Variants in PPP3CA observed in about 807,000 individuals in gnomAD.
PPP3CA encodes the protein protein phosphatase 3 catalytic subunit alpha.
Under a neutral mutation model 66.5 loss-of-function variants are expected in PPP3CA, and 14 were observed. That is an observed-to-expected ratio of 0.21 (90% CI 0.14 to 0.33). The LOEUF (loss-of-function observed/expected upper bound fraction) is 0.33. PPP3CA is among the 10% of genes least tolerant of loss of function. The probability of loss-of-function intolerance (pLI) is 1.00; values close to 1 mark genes in which losing one functional copy is unlikely to be tolerated. For missense variants in PPP3CA, 317 were observed against 639.5 expected (o/e 0.50, Z 5.44); for synonymous variants, 232 against 226.2 (o/e 1.03, Z -0.23).
At chr4:101,295,108 T>C (rs1314934752) in intron 1 of PPP3CA, among the ~76,000 whole-genome samples, 2 of 150,596 alleles carry the variant, frequency 1.3e-5, no homozygotes, top group Non-Finnish European at 3.0e-5. Flanking sequence ...GAGACCATCC[T>C]GGCTAACAAG....
intron 2 of PPP3CA, among the ~76,000 whole-genome samples, chr4:101,126,533 T>A (rs1241562662): frequency 6.6e-6 from 1 of 152,224 alleles, no homozygotes; most frequent in Non-Finnish European, 1.5e-5. Context: ...ACAGTCATAA[T>A]CCTGTATTTA....
intron 8 of PPP3CA, among the ~76,000 whole-genome samples, chr4:101,070,968 G>C (rs977946761): frequency 1.3e-5 from 2 of 152,188 alleles, no homozygotes; most frequent in African/African-American, 4.8e-5. Flanking sequence ...GTTTCAGCTA[G>C]TGAATTCATT....
chr4:101,222,232 T>C (rs1056659864), intron 1 of PPP3CA, among the ~76,000 whole-genome samples: 1 of 151,642 alleles, frequency 6.6e-6, no homozygotes, highest in Admixed American at 6.6e-5. Context: ...GACAAACACA[T>C]TGTTCTTTTC....
chr4:101,184,353 A>T (rs1724339616), intron 2 of PPP3CA, among the ~76,000 whole-genome samples: 1 of 152,130 alleles, frequency 6.6e-6, no homozygotes, highest in Non-Finnish European at 1.5e-5. Flanking sequence ...GCATTTACTA[A>T]GGCTCTTATT....
intron 2 of PPP3CA, among the ~76,000 whole-genome samples, chr4:101,173,273 T>C (rs938443456): frequency 3.9e-5 from 6 of 152,056 alleles, no homozygotes; most frequent in African/African-American, 7.2e-5. Flanking sequence ...AATAGATGGA[T>C]GTGTGGTAGG....
intron 2 of PPP3CA, among the ~76,000 whole-genome samples, chr4:101,189,777 A>C (rs772102524): frequency 2.6e-5 from 4 of 151,950 alleles, no homozygotes; most frequent in Non-Finnish European, 5.9e-5. Context: ...AAAAACTATA[A>C]AAAATTATGA....
At chr4:101,163,535 A>T (rs1262488921) in intron 2 of PPP3CA, among the ~76,000 whole-genome samples, 1 of 152,134 alleles carries the variant, frequency 6.6e-6, no homozygotes, top group Non-Finnish European at 1.5e-5. Flanking sequence ...ATATTCTCTC[A>T]TCCTTTCTTA....
intron 1 of PPP3CA, among the ~76,000 whole-genome samples, chr4:101,263,340 TAA>T (rs1727064685): frequency 1.3e-5 from 2 of 152,278 alleles, no homozygotes; most frequent in Non-Finnish European, 2.9e-5. Context: ...CCAGATAAAT[TAA>T]ATCAGAATTT....
At chr4:101,244,684 G>C (rs1726420362) in intron 1 of PPP3CA, among the ~76,000 whole-genome samples, 1 of 152,174 alleles carries the variant, frequency 6.6e-6, no homozygotes, top group South Asian at 2.1e-4. Context: ...TATTTGATGT[G>C]GCATACACTT....
chr4:101,274,856 C>T (rs73835909), intron 1 of PPP3CA, among the ~76,000 whole-genome samples: 2,531 of 152,092 alleles, frequency 0.017, 83 homozygotes, highest in African/African-American at 0.057. Flanking sequence ...TCATTACAAA[C>T]CTAACAGGTG....
intron 8 of PPP3CA, among the ~76,000 whole-genome samples, chr4:101,079,464 C>T (rs970823282): frequency 6.6e-6 from 1 of 151,536 alleles, no homozygotes; most frequent in African/African-American, 2.4e-5. Context: ...CTGCAAGCTC[C>T]GCCTCCCGGG....
intron 2 of PPP3CA, among the ~76,000 whole-genome samples, chr4:101,153,113 A>G (rs1227660978): frequency 6.6e-6 from 1 of 152,198 alleles, no homozygotes. Context: ...TCCTCTGAGC[A>G]TTCGGGGTGA....
intron 1 of PPP3CA, among the ~76,000 whole-genome samples, chr4:101,257,293 A>G (rs906527565): frequency 4.6e-5 from 7 of 150,978 alleles, no homozygotes; most frequent in African/African-American, 1.7e-4. Flanking sequence ...TCCACCCTGG[A>G]TTAGGGAGAT....
At chr4:101,337,816 C>T (rs1045074529) in intron 1 of PPP3CA, among the ~76,000 whole-genome samples, 4 of 152,182 alleles carry the variant, frequency 2.6e-5, no homozygotes, top group Non-Finnish European at 5.9e-5. Context: ...AAGTGCCTCA[C>T]TATACTGCCA....
intron 1 of PPP3CA, among the ~76,000 whole-genome samples, chr4:101,283,351 G>A (rs1473452313): frequency 6.6e-6 from 1 of 152,074 alleles, no homozygotes; most frequent in Non-Finnish European, 1.5e-5. Context: ...TGTCTAGCAT[G>A]GCTCATATTG....
intron 1 of PPP3CA, among the ~76,000 whole-genome samples, chr4:101,235,431 T>TCTCACA (rs1553934726): frequency 1.3e-5 from 2 of 148,170 alleles, no homozygotes; most frequent in South Asian, 2.1e-4. Flanking sequence ...AAACATACAC[T>TCTCACA]CACACACACA....
At chr4:101,045,023 C>T (rs1315254340) in intron 10 of PPP3CA, among the ~76,000 whole-genome samples, 8 of 152,224 alleles carry the variant, frequency 5.3e-5, no homozygotes, top group African/African-American at 1.9e-4. Context: ...CAGATGTTGG[C>T]TCTGACTTCC....
At chr4:101,124,663 C>CAGAAAGAAAGAAAGAAAGAAAGAAAGAA (rs1227730298) in intron 2 of PPP3CA, among the ~76,000 whole-genome samples, 1 of 55,188 alleles carries the variant, frequency 1.8e-5, no homozygotes, top group Non-Finnish European at 3.7e-5. Flanking sequence ...GAGAGAGAGA[C>CAGAAAGAAAGAAAGAAAGAAAGAAAGAA]AGAAAGAAAG....
At position 101,347,093 on chromosome 4, in the gene PPP3CA, C is replaced by A. The variant is rs1578209431; in HGVS notation, c.-297G>T. On this transcript the variant is annotated 5_prime_UTR_variant, in exon 1 of 14. Transcript: ENST00000394854. Reference sequence around the variant, plus strand: ...TATTTTCTGAGCACGCCTCCCGGTTCTTCTTTTATTCTTGGGGGAAGGGGG... The same window carrying A: ...TATTTTCTGAGCACGCCTCCCGGTTATTCTTTTATTCTTGGGGGAAGGGGG... The A allele has an allele frequency of 1.9e-6, 1 of 523,272 alleles. No individual in the cohort carries two copies. The highest frequency in any genetic ancestry group is 3.7e-5 in the East Asian group (1 of 27,262). The allele number at this position is 523,272 out of a possible 1,614,324, so 32.4% of individuals were successfully genotyped here. A position where few individuals can be genotyped will look rare whatever the true frequency, so the allele number is the denominator to read the frequency against.
Sources: gnomAD v4.1 joint callset for allele counts (sites outside exome capture counted in the v4.1 genomes callset) on GRCh38, gnomAD v4.1.1 for gene constraint, MANE v1.5 for transcripts, NCBI Gene and HGNC (gene_info 2026-07-23, HGNC 2026-07-21) for gene names.